Variants in GMDS observed in about 807,000 individuals in gnomAD.
GMDS encodes GDP-mannose 4,6-dehydratase.
GMDS carries 20 observed loss-of-function variants against 49.9 expected under a neutral mutation model. The observed-to-expected ratio is 0.40, with a 90% CI of 0.28 to 0.58. GMDS has a LOEUF of 0.58. Among genes scored for constraint, GMDS ranks in the 20% least tolerant of loss-of-function variants. GMDS has a pLI of 0.42. For missense variants in GMDS, 362 were observed against 481.4 expected (o/e 0.75, Z 2.32); for synonymous variants, 177 against 178.6 (o/e 0.99, Z 0.07).
chr6:1,937,195 C>T (rs1024158140), intron 6 of GMDS, among the ~76,000 whole-genome samples: 6 of 152,102 alleles, frequency 3.9e-5, no homozygotes, highest in African/African-American at 7.2e-5. Flanking sequence ...CGTCTACAAC[C>T]GTCACACAAT....
chr6:2,219,799 G>A (rs1339266974), intron 1 of GMDS, among the ~76,000 whole-genome samples: 2 of 152,106 alleles, frequency 1.3e-5, no homozygotes, highest in Non-Finnish European at 2.9e-5. Flanking sequence ...GGTCACTTCC[G>A]TTTTCTTCAA....
At chr6:1,650,946 A>C (rs374296312) in intron 9 of GMDS, among the ~76,000 whole-genome samples, 1 of 152,208 alleles carries the variant, frequency 6.6e-6, no homozygotes, top group Non-Finnish European at 1.5e-5. Flanking sequence ...GTCTTGTTAG[A>C]TTGAAAAGCA....
chr6:2,100,838 T>C (rs569794082), intron 4 of GMDS, among the ~76,000 whole-genome samples: 2 of 152,198 alleles, frequency 1.3e-5, no homozygotes, highest in East Asian at 1.9e-4. Context: ...GCATTAAATC[T>C]TGGCACTCTT....
intron 7 of GMDS, among the ~76,000 whole-genome samples, chr6:1,855,282 C>G (rs1433702120): frequency 6.6e-6 from 1 of 152,352 alleles, no homozygotes; most frequent in Non-Finnish European, 1.5e-5. Context: ...ACATCAACAT[C>G]TTCTCTAGGT....
rs200870249 is a variant in GMDS at position 2,231,952 on chromosome 6, A to AT, written c.102+13368dup. Among the ~76,000 whole-genome samples, 1,378 of 152,290 alleles carry AT rather than the reference A, an allele frequency of 9.0e-3. 22 individuals carry two copies. Among genetic ancestry groups the AT allele is most frequent in the African/African-American group, 0.031 (1,308 of 41,556 alleles). On this transcript the variant is annotated intron_variant, in intron 1 of 10. Coordinates refer to ENST00000380815, the MANE Select transcript of GMDS (RefSeq NM_001500.4). ...GAACAAATGAAATTGGACAAATGAA[A>AT]TTTTTTTAATAGTATTCAATAGGTG...
intron 4 of GMDS, among the ~76,000 whole-genome samples, chr6:2,004,984 G>A (rs1581501540): frequency 6.6e-6 from 1 of 152,218 alleles, no homozygotes; most frequent in Non-Finnish European, 1.5e-5. Flanking sequence ...ACCAGATAAG[G>A]GTGATTTGCA....
At chr6:2,037,753 C>T (rs548405498) in intron 4 of GMDS, among the ~76,000 whole-genome samples, 13 of 152,210 alleles carry the variant, frequency 8.5e-5, no homozygotes, top group East Asian at 1.9e-4. Flanking sequence ...TGTTTACAAC[C>T]GCTCAAGCCG....
At chr6:1,747,305 G>C (rs1196877912) in intron 7 of GMDS, among the ~76,000 whole-genome samples, 2 of 152,144 alleles carry the variant, frequency 1.3e-5, no homozygotes, top group East Asian at 3.8e-4. Context: ...CTCCAGTTCA[G>C]TATCCAAGCC....
chr6:1,631,896 G>A (rs1214910479), intron 9 of GMDS, among the ~76,000 whole-genome samples: 1 of 152,170 alleles, frequency 6.6e-6, no homozygotes, highest in East Asian at 1.9e-4. Flanking sequence ...ATATCTGTTA[G>A]CAAATTTTTG....
chr6:1,646,031 A>G (rs1763472128), intron 9 of GMDS, among the ~76,000 whole-genome samples: 1 of 152,212 alleles, frequency 6.6e-6, no homozygotes, highest in Admixed American at 6.5e-5. Context: ...AGAATGCCTC[A>G]AGGGATGTTT....
At chr6:1,646,340 G>A (rs1340711695) in intron 9 of GMDS, among the ~76,000 whole-genome samples, 2 of 152,062 alleles carry the variant, frequency 1.3e-5, no homozygotes, top group Non-Finnish European at 2.9e-5. Flanking sequence ...TCCACCTAGG[G>A]CTTTTCTGTG....
At chr6:1,728,381 G>T (rs935629022) in intron 8 of GMDS, among the ~76,000 whole-genome samples, 1 of 152,182 alleles carries the variant, frequency 6.6e-6, no homozygotes, top group Non-Finnish European at 1.5e-5. Context: ...TCTTCGCAAA[G>T]AGAAACAAGT....
chr6:2,127,194 C>T (rs773684625), intron 1 of GMDS, among the ~76,000 whole-genome samples: 7 of 152,060 alleles, frequency 4.6e-5, no homozygotes, highest in Non-Finnish European at 7.3e-5. Context: ...TAATCAATAT[C>T]CCTATAAATC....
rs529707671 is a variant in GMDS, at chr6:1,745,115, G to A, written c.772-2529C>T. Among the ~76,000 whole-genome samples the A allele has an allele frequency of 7.9e-5, 12 of 152,326 alleles. No individual in the cohort carries two copies. The South Asian group carries it at 2.1e-3, about 26-fold the overall frequency. On this transcript the variant is annotated intron_variant, in intron 7 of 10. Coordinates refer to ENST00000380815, the MANE Select transcript of GMDS (RefSeq NM_001500.4). Reference sequence around the variant, plus strand: ...GTTCTTCTGCGGGATTAGATGTAAGGGGGTAAATACACTTTAATGTGTTTG... The same window carrying A: ...GTTCTTCTGCGGGATTAGATGTAAGAGGGTAAATACACTTTAATGTGTTTG...
intron 6 of GMDS, among the ~76,000 whole-genome samples, chr6:1,951,309 G>A (rs544204228): frequency 3.3e-5 from 5 of 152,194 alleles, no homozygotes; most frequent in East Asian, 1.9e-4. Flanking sequence ...TGCTCAAGAC[G>A]AAAACTCAAA....
chr6:2,068,068 T>C (rs947185119), intron 4 of GMDS, among the ~76,000 whole-genome samples: 2 of 148,542 alleles, frequency 1.3e-5, no homozygotes, highest in African/African-American at 4.9e-5. Flanking sequence ...TTATCCACCA[T>C]GATCAAGTGG....
chr6:1,872,897 T>C (rs1003653500), intron 7 of GMDS, among the ~76,000 whole-genome samples: 1 of 152,272 alleles, frequency 6.6e-6, no homozygotes. Flanking sequence ...TTTCAGTCTC[T>C]GCGCCTTGCT....
chr6:2,024,618 CA>C (rs767207538), intron 4 of GMDS, among the ~76,000 whole-genome samples: 2 of 150,368 alleles, frequency 1.3e-5, no homozygotes, highest in African/African-American at 2.5e-5. Context: ...AAAAAGAATA[CA>C]AAGAGAAAGT....
chr6:1,961,912 G>A (rs1581427198), intron 4 of GMDS, among the ~76,000 whole-genome samples: 1 of 152,162 alleles, frequency 6.6e-6, no homozygotes, highest in Admixed American at 6.6e-5. Flanking sequence ...GCTCACCAGG[G>A]ACCCTATTTA....
Sources: gnomAD v4.1 joint callset for allele counts (sites outside exome capture counted in the v4.1 genomes callset) on GRCh38, gnomAD v4.1.1 for gene constraint, MANE v1.5 for transcripts, NCBI Gene and HGNC (gene_info 2026-07-23, HGNC 2026-07-21) for gene names.